The following ADARB2 variants were observed in gnomAD, a reference collection of about 807,000 sequenced individuals.
ADARB2 encodes the protein inactive double-stranded RNA-specific editase B2.
A neutral mutation model predicts 62.2 loss-of-function variants in ADARB2; 25 were observed. The ratio of observed to expected loss-of-function variants is 0.40; its 90% CI spans 0.29 to 0.56. The LOEUF is 0.56. ADARB2 is among the 20% of genes least tolerant of loss of function. ADARB2 has a pLI of 0.43. For synonymous variants in ADARB2, 572 were observed against 500.8 expected (o/e 1.14, Z -1.90); for missense variants, 1,071 against 1,077.4 (o/e 0.99, Z 0.08).
chr10:1,371,844 GC>G (rs1312505438), intron 2 of ADARB2, among the ~76,000 whole-genome samples: 1 of 150,624 alleles, frequency 6.6e-6, no homozygotes, highest in Non-Finnish European at 1.5e-5. Flanking sequence ...AAAAGGGGAT[GC>G]TTGTGCACTG....
At chr10:1,533,083 G>C (rs1234734296) in intron 1 of ADARB2, among the ~76,000 whole-genome samples, 1 of 151,224 alleles carries the variant, frequency 6.6e-6, no homozygotes, top group Non-Finnish European at 1.5e-5. Flanking sequence ...GGAGAGTAAC[G>C]AGCCAGCTGA....
At chr10:1,554,579 C>G (rs151320188) in intron 1 of ADARB2, among the ~76,000 whole-genome samples, 152 of 152,200 alleles carry the variant, frequency 1.0e-3, no homozygotes, top group African/African-American at 3.5e-3. Context: ...CAGATGGCTT[C>G]CCTTCATTCT....
intron 1 of ADARB2, among the ~76,000 whole-genome samples, chr10:1,419,903 G>T (rs1832838326): frequency 6.6e-6 from 1 of 152,188 alleles, no homozygotes; most frequent in Non-Finnish European, 1.5e-5. Flanking sequence ...GTAAGTTTTG[G>T]ACTAGAAATC....
At chr10:1,486,543 G>C (rs1026228297) in intron 1 of ADARB2, among the ~76,000 whole-genome samples, 1 of 152,188 alleles carries the variant, frequency 6.6e-6, no homozygotes, top group African/African-American at 2.4e-5. Flanking sequence ...ATTTGCTTTG[G>C]CTGTATATTA....
chr10:1,493,809 A>T (rs1277327886), intron 1 of ADARB2, among the ~76,000 whole-genome samples: 1 of 124,368 alleles, frequency 8.0e-6, no homozygotes, highest in Non-Finnish European at 1.6e-5. Context: ...CCCAGGCTGG[A>T]GTGCAATGGC....
At chr10:1,448,802 G>A (rs2131900160) in intron 1 of ADARB2, among the ~76,000 whole-genome samples, 1 of 152,182 alleles carries the variant, frequency 6.6e-6, no homozygotes, top group African/African-American at 2.4e-5. Flanking sequence ...TAGCACTGCT[G>A]GACTGTAATA....
At chr10:1,286,960 A>G (rs2131808283) in intron 3 of ADARB2, among the ~76,000 whole-genome samples, 1 of 152,332 alleles carries the variant, frequency 6.6e-6, no homozygotes, top group African/African-American at 2.4e-5. Context: ...TAGAAAAAAT[A>G]CAGAAATAAC....
At chr10:1,686,553 C>A (rs1353300326) in intron 1 of ADARB2, among the ~76,000 whole-genome samples, 2 of 152,134 alleles carry the variant, frequency 1.3e-5, no homozygotes, top group African/African-American at 4.8e-5. Context: ...CAGGAGTAGC[C>A]GAACGTTCCC....
intron 3 of ADARB2, among the ~76,000 whole-genome samples, chr10:1,273,198 T>G (rs1831279759): frequency 6.6e-6 from 1 of 152,250 alleles, no homozygotes; most frequent in African/African-American, 2.4e-5. Flanking sequence ...CTGGGGCTGT[T>G]CAACCTGCTG....
chr10:1,363,850 G>A lies in ADARB2; in HGVS notation c.255C>T (p.Ser85=), dbSNP rs199718464. The change falls in exon 3 of 10, where the codon TCC becomes TCT. Residue 85 remains serine, a synonymous_variant. Transcript: ENST00000381312. ...GCGCGCCGCCCCGGGCCCGGTCCCC[G>A]GAGGGCGGTGGCCGCGCGGCCAGGT... is the stretch of plus-strand genomic sequence containing the variant. ...VGNLAARPPP[S]GDRARGGAPG... is the part of the protein sequence containing the mutation. 3 of 1,531,718 alleles carry A rather than the reference G, an allele frequency of 2.0e-6. No individual in the cohort carries two copies. The highest frequency in any genetic ancestry group is 2.4e-5 in the East Asian group (1 of 41,536). The allele number at this position is 1,531,718 out of a possible 1,614,324, so 94.9% of individuals were successfully genotyped here.
chr10:1,565,034 C>A (rs972985229), intron 1 of ADARB2, among the ~76,000 whole-genome samples: 4 of 152,240 alleles, frequency 2.6e-5, no homozygotes, highest in Admixed American at 6.5e-5. Flanking sequence ...GTGCCTTCCC[C>A]TCCCTCCCGT....
intron 1 of ADARB2, among the ~76,000 whole-genome samples, chr10:1,714,267 C>T (rs1834988134): frequency 1.3e-5 from 2 of 152,342 alleles, no homozygotes; most frequent in South Asian, 2.1e-4. Context: ...GAAGCACCTC[C>T]GTAAACGACG....
At chr10:1,554,640 T>C (rs1216084729) in intron 1 of ADARB2, among the ~76,000 whole-genome samples, 1 of 152,180 alleles carries the variant, frequency 6.6e-6, no homozygotes, top group Non-Finnish European at 1.5e-5. Context: ...TGGGCATCAG[T>C]AGGTCCTTTC....
intron 1 of ADARB2, among the ~76,000 whole-genome samples, chr10:1,496,478 A>G (rs1831694296): frequency 6.6e-6 from 1 of 151,892 alleles, no homozygotes; most frequent in Non-Finnish European, 1.5e-5. Flanking sequence ...CATCATCATC[A>G]TTGTCATCAC....
chr10:1,480,541 A>AC (rs577213154), intron 1 of ADARB2, among the ~76,000 whole-genome samples: 1 of 152,272 alleles, frequency 6.6e-6, no homozygotes, highest in South Asian at 2.1e-4. Context: ...TACTAAAAAT[A>AC]CAAAAAATTA....
At chr10:1,480,915 T>C (rs544896451) in intron 1 of ADARB2, among the ~76,000 whole-genome samples, 2 of 152,314 alleles carry the variant, frequency 1.3e-5, no homozygotes, top group African/African-American at 4.8e-5. Flanking sequence ...AGATTCAATG[T>C]AATCTCTATC....
At chr10:1,588,160 G>T (rs1833204063) in intron 1 of ADARB2, among the ~76,000 whole-genome samples, 1 of 152,108 alleles carries the variant, frequency 6.6e-6, no homozygotes, top group African/African-American at 2.4e-5. Flanking sequence ...GACCCACCTT[G>T]CAGGACAAGC....
chr10:1,550,331 C>T (rs1832598395), intron 1 of ADARB2, among the ~76,000 whole-genome samples: 1 of 152,198 alleles, frequency 6.6e-6, no homozygotes, highest in African/African-American at 2.4e-5. Flanking sequence ...ACGGAAAATG[C>T]CTTCCTAGAG....
At chr10:1,603,508 A>T (rs1159550366) in intron 1 of ADARB2, among the ~76,000 whole-genome samples, 1 of 152,026 alleles carries the variant, frequency 6.6e-6, no homozygotes, top group Non-Finnish European at 1.5e-5. Context: ...AGCGTCTGAA[A>T]TCACCCTGAT....
Sources: allele counts gnomAD v4.1 joint callset (sites outside exome capture counted in the v4.1 genomes callset), GRCh38; gene constraint gnomAD v4.1.1; transcripts MANE v1.5; gene names NCBI Gene and HGNC (gene_info 2026-07-23, HGNC 2026-07-21).